Variants in BAHCC1 observed in about 807,000 individuals in gnomAD.
The protein encoded by BAHCC1 is BAH domain and coiled-coil containing 1.
A neutral mutation model predicts 88.2 loss-of-function variants in BAHCC1; 43 were observed. The observed-to-expected ratio is 0.49, with a 90% CI of 0.38 to 0.63. BAHCC1 has a LOEUF of 0.63. Among genes scored for constraint, BAHCC1 ranks in the 20% least tolerant of loss-of-function variants. The pLI is 0.00. For synonymous variants in BAHCC1, 1,510 were observed against 745.5 expected, an observed-to-expected ratio of 2.03 and a Z score of -16.71; for missense variants, 3,023 against 1,654.8, an observed-to-expected ratio of 1.83 and a Z score of -14.34.
At chr17:81,460,458 C>G (rs2030147154) in intron 24 of BAHCC1, 62 bp downstream of exon 24, 1 of 726,546 alleles carries the variant, frequency 1.4e-6, no homozygotes, top group South Asian at 1.5e-5. Context: ...CAGACGGGCT[C>G]CCAAGGAAGG....
At position 81,458,959 on chromosome 17, in the gene BAHCC1, C is replaced by T. The variant is rs35206106; in HGVS notation, c.5595C>T (p.Ser1865=). Residue 1865 remains serine (S), a synonymous_variant, in exon 20 of 28, where the codon AGC becomes AGT. Transcript: ENST00000675386. ...GCGGCCCTCTGAGCGCAGAGCAGAG[C>T]GCCGCCCTAGGTGAGCAGGGCCAGG... ...EDSGPLSAEQ[S]AALARSCAIH... The T allele has an allele frequency of 9.1e-3, 6,703 of 739,618 alleles. 75 individuals carry two copies. The highest frequency in any genetic ancestry group is 0.029 in the South Asian group (2,038 of 70,050). 45.8% of individuals were successfully genotyped at this position (739,618 alleles called of 1,614,324 possible).
chr17:81,421,516 C>T (rs1389610973), intron 2 of BAHCC1, among the ~76,000 whole-genome samples: 4 of 152,134 alleles, frequency 2.6e-5, no homozygotes, highest in African/African-American at 9.7e-5. Context: ...GCCGGCAGTC[C>T]CGTCCCCCAC....
Position 81,461,092 on chromosome 17 carries a change from C to T in BAHCC1, c.6429C>T (p.Ser2143=), listed in dbSNP as rs782600288. Residue 2143 remains serine (S), a synonymous_variant, in exon 26 of 28, where the codon AGC becomes AGT. Coordinates refer to ENST00000675386, the MANE Select transcript of BAHCC1 (RefSeq NM_001377448.1). ...RAREALFPVH[S]VATPIFGNGF... ...GCGAGGCCCTGTTCCCCGTGCACAG[C>T]GTGGCCACACCCATATTTGGCAACG... The T allele has an allele frequency of 1.2e-5, 9 of 768,082 alleles. No individual in the cohort carries two copies. The highest frequency in any genetic ancestry group is 3.4e-5 in the African/African-American group (2 of 59,090). 47.6% of individuals were successfully genotyped at this position (768,082 alleles called of 1,614,324 possible).
chr17:81,436,257 C>CA (rs1243325379), intron 3 of BAHCC1, among the ~76,000 whole-genome samples: 4 of 152,210 alleles, frequency 2.6e-5, no homozygotes, highest in Admixed American at 6.5e-5. Flanking sequence ...CTCACCAGCC[C>CA]AGGGGCCACC....
At chr17:81,418,810 C>CAT in intron 2 of BAHCC1, among the ~76,000 whole-genome samples, 1 of 146,432 alleles carries the variant, frequency 6.8e-6, no homozygotes, top group African/African-American at 2.6e-5. Flanking sequence ...TGTGTGTGTA[C>CAT]GTGTGTGTGT....
At chr17:81,422,575 C>T (rs555383212) in intron 2 of BAHCC1, among the ~76,000 whole-genome samples, 4 of 152,262 alleles carry the variant, frequency 2.6e-5, no homozygotes, top group South Asian at 2.1e-4. Flanking sequence ...ACTGTGGGGC[C>T]GGGGACCCTT....
chr17:81,453,424 C>T (rs1216601440), intron 14 of BAHCC1, among the ~76,000 whole-genome samples: 2 of 152,270 alleles, frequency 1.3e-5, no homozygotes, highest in Non-Finnish European at 2.9e-5. Context: ...CTGCATCAAT[C>T]CTGATGATTT....
intron 27 of BAHCC1, 102 bp downstream of exon 27, chr17:81,463,078 CCA>C: frequency 4.6e-6 from 3 of 656,042 alleles, no homozygotes; most frequent in Non-Finnish European, 8.3e-6. Flanking sequence ...CCTGGCCCCA[CCA>C]CACAGCCCCC....
intron 17 of BAHCC1, among the ~76,000 whole-genome samples, chr17:81,457,963 G>T (rs1262829432): frequency 8.1e-6 from 1 of 124,022 alleles, no homozygotes; most frequent in African/African-American, 3.1e-5. Flanking sequence ...GGGTAACCGG[G>T]GGGAGGGCAG....
Position 81,457,482 on chromosome 17 carries a change from T to C in BAHCC1, c.4931T>C (p.Leu1644Pro). The C allele has an allele frequency of 1.3e-6, 1 of 768,498 alleles. No individual in the cohort carries two copies. The highest frequency in any genetic ancestry group is 2.4e-6 in the Non-Finnish European group (1 of 412,916). 47.6% of individuals were successfully genotyped at this position (768,498 alleles called of 1,614,324 possible). ...GCACCACCCAGGGAAGCAGGGCTGC[T>C]GCTGCACACCGGGGCCAGTGTGGCC... Reference protein sequence around the residue: ...TEAPPREAGLLLHTGASVAVL... With the variant: ...TEAPPREAGLPLHTGASVAVL... The change falls in exon 17 of 28, where the codon CTG (leucine) becomes CCG (proline). Residue 1644 changes from leucine to proline, a missense_variant. Transcript: ENST00000675386.
At position 81,434,633 on chromosome 17, in the gene BAHCC1, C is replaced by T. The variant is rs1483844749; in HGVS notation, c.359-3737C>T. On this transcript the variant is annotated intron_variant, in intron 3 of 27. Coordinates refer to ENST00000675386, the MANE Select transcript of BAHCC1 (RefSeq NM_001377448.1). The surrounding 1 kb of genome is among the most constrained non-coding windows in gnomAD (Gnocchi z 4.9). ...TGATCTTGGTCCTTCTGCTGGCTGG[C>T]GTCCCTCCCTCCTAGACCTGGCCGT... Among the ~76,000 whole-genome samples, 1 of 152,082 alleles carries T rather than the reference C, an allele frequency of 6.6e-6. No homozygotes were observed. The highest frequency in any genetic ancestry group is 1.5e-5 in the Non-Finnish European group (1 of 67,972).
Position 81,465,836 on chromosome 17 carries a change from T to G in BAHCC1, c.*2019T>G, listed in dbSNP as rs1250300819. The G allele has an allele frequency of 6.6e-6, 1 of 152,454 alleles. No homozygotes were observed. Among genetic ancestry groups the G allele is most frequent in the Non-Finnish European group, 1.5e-5 (1 of 68,018 alleles). The allele number at this position is 152,454 out of a possible 1,614,324, so 9.4% of individuals were successfully genotyped here. A position where few individuals can be genotyped will look rare whatever the true frequency, so the allele number is the denominator to read the frequency against. ...CTCCCACCCCCGAGCCTACCCTTTG[T>G]CTCGCATGAGTGCAATATTTCATTC... On this transcript the variant is annotated 3_prime_UTR_variant, in exon 28 of 28. Coordinates refer to ENST00000675386, the MANE Select transcript of BAHCC1 (RefSeq NM_001377448.1).
At chr17:81,398,606 AC>A (rs35231579) in intron 1 of BAHCC1, among the ~76,000 whole-genome samples, 109,133 of 151,728 alleles carry the variant, frequency 0.72, 40,426 homozygotes, top group African/African-American at 0.81. Flanking sequence ...CTCTGAAAGC[AC>A]CCCCCCCACA....
chr17:81,423,296 G>A (rs1315340742), intron 2 of BAHCC1, among the ~76,000 whole-genome samples: 2 of 152,208 alleles, frequency 1.3e-5, no homozygotes, highest in African/African-American at 4.8e-5. Flanking sequence ...GCCCTGGGCT[G>A]GGAACTGGCT....
In BAHCC1 at chr17:81,435,992, G is replaced by C. The variant is rs1288953913; in HGVS notation, c.359-2378G>C. On this transcript the variant is annotated intron_variant, in intron 3 of 27. Transcript: ENST00000675386. This position sits in a 1 kb window ranked among gnomAD's most constrained non-coding sequence, Gnocchi z 4.4. ...GGGAAAAAGAAAGGGGCTTTCTGTC[G>C]CTGGGCTGGGAGGACCTTTTCCCTT... is the stretch of plus-strand genomic sequence containing the variant. 6.6e-6 allele frequency among the ~76,000 whole-genome samples: 1 copy of C among 152,170 alleles called. No individual in the cohort carries two copies. The highest frequency in any genetic ancestry group is 1.5e-5 in the Non-Finnish European group (1 of 68,030).
intron 2 of BAHCC1, chr17:81,401,140 G>T (rs2063811380): frequency 6.6e-6 from 1 of 152,280 alleles, no homozygotes. Flanking sequence ...GACGGGGCTA[G>T]AAAGGAAAAC....
intron 2 of BAHCC1, among the ~76,000 whole-genome samples, chr17:81,403,871 C>T (rs2063847823): frequency 6.6e-6 from 1 of 152,224 alleles, no homozygotes; most frequent in Admixed American, 6.5e-5. Flanking sequence ...CCGCCGAAGC[C>T]CTGTTTGGAA....
Position 81,459,477 on chromosome 17 carries a change from G to A in BAHCC1, c.5797-19G>A, listed in dbSNP as rs201863080. 39 of 778,336 alleles carry A rather than the reference G, an allele frequency of 5.0e-5. No individual in the cohort carries two copies. Among genetic ancestry groups the A allele is most frequent in the East Asian group, 1.5e-4 (6 of 41,220 alleles). 48.2% of individuals were successfully genotyped at this position (778,336 alleles called of 1,614,324 possible). Reference sequence around the variant, plus strand: ...GCCAGGCCCCACCTGCTCATGGGTCGTCGCCCGCGTTCCTGCAGGTTCTCG... The same window carrying A: ...GCCAGGCCCCACCTGCTCATGGGTCATCGCCCGCGTTCCTGCAGGTTCTCG... On this transcript the variant is annotated intron_variant, in intron 22 of 27. Coordinates refer to ENST00000675386, the MANE Select transcript of BAHCC1 (RefSeq NM_001377448.1).
intron 5 of BAHCC1, 77 bp from the exon 6 acceptor site, chr17:81,443,732 G>A (rs1335114036): frequency 3.6e-5 from 25 of 688,312 alleles, no homozygotes; most frequent in African/African-American, 2.5e-4. Flanking sequence ...AGCTCGAAGC[G>A]GGGTCACTGC....
Sources: allele counts gnomAD v4.1 joint callset (sites outside exome capture counted in the v4.1 genomes callset), GRCh38; gene constraint gnomAD v4.1.1; non-coding constraint Gnocchi (gnomAD v3.1); transcripts MANE v1.5; gene names NCBI Gene and HGNC (gene_info 2026-07-23, HGNC 2026-07-21).